Variants in C2orf92 observed in about 807,000 individuals in gnomAD.
C2orf92 encodes chromosome 2 open reading frame 92, also known as uncharacterized protein C2orf92.
At chr2:97,669,633 C>T, upstream of C2orf92, 2 of 392,990 alleles carry the variant, frequency 5.1e-6, no homozygotes, top group Non-Finnish European at 9.0e-6. Context: ...AGACACAGGC[C>T]CTTCCCCTTC....
At chr2:97,698,491 C>T (rs1388598606) in intron 5 of C2orf92, among the ~76,000 whole-genome samples, 5 of 152,186 alleles carry the variant, frequency 3.3e-5, no homozygotes, top group African/African-American at 9.7e-5. Flanking sequence ...ATCTTGTCCT[C>T]GCAACTCAAG....
chr2:97,669,294 T>G (rs1559294905), upstream of C2orf92: 2 of 152,202 alleles, frequency 1.3e-5, no homozygotes. Flanking sequence ...GAGACGGGCT[T>G]TCACCATGTT....
chr2:97,686,905 C>T (rs980704149), intron 3 of C2orf92, among the ~76,000 whole-genome samples: 1 of 152,088 alleles, frequency 6.6e-6, no homozygotes, highest in Non-Finnish European at 1.5e-5. Context: ...GTAGTCCCAG[C>T]TAGTTGGGAG....
At chr2:97,685,161 C>T (rs1675912420) in intron 3 of C2orf92, among the ~76,000 whole-genome samples, 1 of 149,734 alleles carries the variant, frequency 6.7e-6, no homozygotes, top group Admixed American at 6.7e-5. Flanking sequence ...GATCTCCTGA[C>T]CTCGTGATCC....
intron 5 of C2orf92, chr2:97,697,311 A>G (rs1226715076): frequency 6.6e-6 from 1 of 152,254 alleles, no homozygotes; most frequent in East Asian, 1.9e-4. Context: ...AGATTCTTCA[A>G]AGAACCTTAG....
chr2:97,679,910 T>TA (rs1293025974), intron 3 of C2orf92, among the ~76,000 whole-genome samples: 2 of 150,566 alleles, frequency 1.3e-5, no homozygotes, highest in African/African-American at 2.4e-5. Context: ...AACCAACTTT[T>TA]AAAAAAAGCA....
exon 1 of C2orf92, chr2:97,664,332 C>T (rs1194387683): frequency 1.3e-5 from 2 of 152,256 alleles, no homozygotes; most frequent in Non-Finnish European, 2.9e-5. Flanking sequence ...AGACGTCTTT[C>T]CCGCGTCCCA....
intron 5 of C2orf92, among the ~76,000 whole-genome samples, chr2:97,694,251 T>C (rs541481431): frequency 6.6e-6 from 1 of 150,754 alleles, no homozygotes; most frequent in East Asian, 1.9e-4. Context: ...TTTCTTTCTT[T>C]TTTTTTTTTT....
At chr2:97,673,648 C>T (rs573466161) in intron 1 of C2orf92, among the ~76,000 whole-genome samples, 1 of 152,278 alleles carries the variant, frequency 6.6e-6, no homozygotes, top group African/African-American at 2.4e-5. Flanking sequence ...CCTGTCTTCC[C>T]TGGCCCTTGC....
chr2:97,684,008 G>T (rs914429919), intron 3 of C2orf92, among the ~76,000 whole-genome samples: 6 of 147,174 alleles, frequency 4.1e-5, no homozygotes, highest in African/African-American at 1.5e-4. Context: ...GGGATTACAG[G>T]TATGCGCCAC....
At chr2:97,692,358 T>C (rs1327462547) in intron 5 of C2orf92, among the ~76,000 whole-genome samples, 1 of 152,026 alleles carries the variant, frequency 6.6e-6, no homozygotes, top group Non-Finnish European at 1.5e-5. Flanking sequence ...TTTTATGTCC[T>C]ATTGCCTTGT....
intron 4 of C2orf92, 109 bp from the exon 5 acceptor site, chr2:97,690,147 A>C (rs116632326): frequency 1.3e-5 from 5 of 373,142 alleles, no homozygotes; most frequent in Non-Finnish European, 2.4e-5. Flanking sequence ...AAAAAAAACC[A>C]CAAAAAAACC....
chr2:97,685,601 C>G (rs1312931543), intron 3 of C2orf92, among the ~76,000 whole-genome samples: 1 of 151,134 alleles, frequency 6.6e-6, no homozygotes, highest in Non-Finnish European at 1.5e-5. Flanking sequence ...CTTGCTCTGT[C>G]ACCCAGGCTG....
chr2:97,668,177 G>A (rs890250010), upstream of C2orf92: 1 of 152,102 alleles, frequency 6.6e-6, no homozygotes, highest in Non-Finnish European at 1.5e-5. Flanking sequence ...TATATTCTTT[G>A]TTATTTTTTA....
At chr2:97,702,367 GC>G (rs1676522327) in intron 7 of C2orf92, among the ~76,000 whole-genome samples, 1 of 152,060 alleles carries the variant, frequency 6.6e-6, no homozygotes, top group Non-Finnish European at 1.5e-5. Flanking sequence ...CATTGGACCT[GC>G]CATTTTCCCT....
At position 97,699,495 on chromosome 2, in the gene C2orf92, G is replaced by C. The variant is rs144265525; in HGVS notation, c.514+359G>C. Among the ~76,000 whole-genome samples, 3 of 152,132 alleles carry C rather than the reference G, an allele frequency of 2.0e-5. No individual in the cohort carries two copies. The South Asian group carries it at 6.2e-4, about 32-fold the overall frequency. On this transcript the variant is annotated intron_variant, in intron 6 of 7. Transcript: ENST00000627399. The stretch of plus-strand genomic sequence containing the variant: ...CGGGTGCCTGTAATCGCAGCTACTC[G>C]GGAGGCTGAGGCAGTTCAAGAATCA...
chr2:97,667,679 G>A (rs1675279388), upstream of C2orf92, among the ~76,000 whole-genome samples: 1 of 152,056 alleles, frequency 6.6e-6, no homozygotes, highest in African/African-American at 2.4e-5. Flanking sequence ...TGATCTGCCT[G>A]CCTCGGCCTC....
chr2:97,690,229 G>GT (rs1346445816), intron 4 of C2orf92, 27 bp from the exon 5 acceptor site: 1 of 398,396 alleles, frequency 2.5e-6, no homozygotes, highest in Non-Finnish European at 4.4e-6. Flanking sequence ...TTTTCTTATT[G>GT]TTTTTTATTC....
At chr2:97,664,820 C>G (rs1384311015), upstream of C2orf92, 1 of 152,304 alleles carries the variant, frequency 6.6e-6, no homozygotes, top group Non-Finnish European at 1.5e-5. Context: ...AGCGATCCTC[C>G]CGCTTAGTCT....
Sources: gnomAD v4.1 joint callset for allele counts (sites outside exome capture counted in the v4.1 genomes callset) on GRCh38, gnomAD v4.1.1 for gene constraint, MANE v1.5 for transcripts, NCBI Gene and HGNC (gene_info 2026-07-23, HGNC 2026-07-21) for gene names.